Variants in TAOK2 observed in about 807,000 individuals in gnomAD.
The protein encoded by TAOK2 is serine/threonine-protein kinase TAO2.
A neutral mutation model predicts 122.5 loss-of-function variants in TAOK2; 42 were observed. That is an observed-to-expected ratio of 0.34 (90% CI 0.27 to 0.44). The LOEUF is 0.44. TAOK2 is among the 20% of genes least tolerant of loss of function. The pLI, the probability that TAOK2 is intolerant of heterozygous loss-of-function variation, is 1.00. For missense variants in TAOK2, 1,264 were observed against 1,644.9 expected, an observed-to-expected ratio of 0.77 and a Z score of 4.01; for synonymous variants, 704 against 677.6, an observed-to-expected ratio of 1.04 and a Z score of -0.61.
At chr16:29,989,011 C>A (rs2069900895), downstream of TAOK2, 1 of 985,290 alleles carries the variant, frequency 1.0e-6, no homozygotes, top group Non-Finnish European at 1.2e-6. Flanking sequence ...GCAGCCCCTT[C>A]TTACCCATTT....
chr16:29,986,333 G>A lies in TAOK2; in HGVS notation c.2061G>A (p.Thr687=), dbSNP rs763686309. 1.0e-5 allele frequency: 16 copies of A among 1,576,038 alleles called. No individual in the cohort carries two copies. In the Admixed American group the frequency reaches 1.5e-4, roughly 15 times the overall value. ...TGCTGCTTCGGCAGCACGAGGCCAC[G>A]CGGGAGCTGGAGCTGCGGCAGCTCC... is the stretch of plus-strand genomic sequence containing the variant. ...CALLLRQHEA[T]RELELRQLQA... Residue 687 remains threonine, a synonymous_variant, in exon 16 of 16, where the codon ACG becomes ACA. Transcript: ENST00000308893. This position sits in a 1 kb window ranked among gnomAD's most constrained non-coding sequence, Gnocchi z 4.2.
intron 13 of TAOK2, 148 bp downstream of exon 13, chr16:29,983,812 C>T (rs1196893028): frequency 2.4e-6 from 3 of 1,266,236 alleles, no homozygotes; most frequent in Non-Finnish European, 3.2e-6. Flanking sequence ...TCCCCTTAAC[C>T]CTCCTGCTTC....
Position 29,987,236 on chromosome 16 carries a change from G to T in TAOK2, c.2964G>T (p.Ala988=). ...AGGGTGGGGGTGGCCTGCAGGCAGC[G>T]CTGCTGGCCCTTGAGGTGGGGCTGG... ...AAQGGGGLQA[A]LLALEVGLVG... is the part of the protein sequence containing the mutation. Residue 988 remains alanine, a synonymous_variant, in exon 16 of 16, where the codon GCG becomes GCT. Coordinates refer to ENST00000308893, the MANE Select transcript of TAOK2 (RefSeq NM_016151.4). 6.5e-7 allele frequency: 1 copy of T among 1,537,328 alleles called. No homozygotes were observed.
At chr16:29,991,227 C>G (rs1567255859), downstream of TAOK2, 2 of 1,611,170 alleles carry the variant, frequency 1.2e-6, no homozygotes, top group Non-Finnish European at 1.7e-6. The surrounding 1 kb of genome is among the most constrained non-coding windows in gnomAD (Gnocchi z 5.6). Flanking sequence ...TGCTCCACCC[C>G]CTGCCCCAGC....
chr16:29,978,446 G>T lies in TAOK2; in HGVS notation c.306+93G>T, dbSNP rs551877792. The T allele has an allele frequency of 1.7e-5, 23 of 1,345,386 alleles. No individual in the cohort carries two copies. In the African/African-American group the frequency reaches 2.7e-4, roughly 16 times the overall value. 83.3% of individuals were successfully genotyped at this position (1,345,386 alleles called of 1,614,324 possible). A position where few individuals can be genotyped will look rare whatever the true frequency, so the allele number is the denominator to read the frequency against. On this transcript the variant is annotated intron_variant, in intron 4 of 15. Transcript: ENST00000308893. ...CTCTTAGGTGGTCCCTGTTCGTGGT[G>T]CTGTTGTGGGATCTTGGGAAGGAGG...
At chr16:29,991,382 T>C, downstream of TAOK2, 2 of 1,581,132 alleles carry the variant, frequency 1.3e-6, no homozygotes, top group East Asian at 2.3e-5. The surrounding 1 kb of genome is among the most constrained non-coding windows in gnomAD (Gnocchi z 5.6). Context: ...CCACACAAAG[T>C]GGGACACCCC....
rs767669894 is a variant in TAOK2, at chr16:29,981,751, A to G, written c.746A>G (p.His249Arg). 3.1e-6 allele frequency: 5 copies of G among 1,614,078 alleles called. No homozygotes were observed. The highest frequency in any genetic ancestry group is 1.7e-5 in the Admixed American group (1 of 60,020). ...QNESPVLQSGHWSEYFRNFVD... is the reference protein window; with the variant it reads ...QNESPVLQSGRWSEYFRNFVD... ...GAATCCCCCGTGCTCCAGTCAGGACACTGGTGAGGACTGAGATTCCGAATC... is the reference window on the plus strand; with the variant it reads ...GAATCCCCCGTGCTCCAGTCAGGACGCTGGTGAGGACTGAGATTCCGAATC... Residue 249 changes from histidine (H) to arginine (R), a missense_variant, in exon 9 of 16, where the codon CAC becomes CGC. Physicochemically the swap from His to Arg is conservative, Grantham distance 29. Coordinates refer to ENST00000308893, the MANE Select transcript of TAOK2 (RefSeq NM_016151.4).
Position 29,981,764 on chromosome 16 carries a change from G to A in TAOK2, c.749+10G>A, listed in dbSNP as rs2069623987. ...TCCAGTCAGGACACTGGTGAGGACT[G>A]AGATTCCGAATCTGGGCCCAGGCGT... On this transcript the variant is annotated intron_variant, in intron 9 of 15. Transcript: ENST00000308893. 6.2e-7 allele frequency: 1 copy of A among 1,613,882 alleles called. No homozygotes were observed. Among genetic ancestry groups the A allele is most frequent in the Non-Finnish European group, 8.5e-7 (1 of 1,179,844 alleles).
rs769200311 is a variant in TAOK2 at position 29,986,256 on chromosome 16, C to T, written c.1993-9C>T. 2 of 1,508,900 alleles carry T rather than the reference C, an allele frequency of 1.3e-6. No individual in the cohort carries two copies. Among genetic ancestry groups the T allele is most frequent in the Non-Finnish European group, 1.8e-6 (2 of 1,129,236 alleles). 93.5% of individuals were successfully genotyped at this position (1,508,900 alleles called of 1,614,324 possible). ...CCAGGCCCCGGGCCCTGCATTTCTT[C>T]TGCCTCAGGACCTGAACAAGAAGCA... On this transcript the variant is annotated splice_polypyrimidine_tract_variant and intron_variant, in intron 15 of 15. Coordinates refer to ENST00000308893, the MANE Select transcript of TAOK2 (RefSeq NM_016151.4). This position sits in a 1 kb window ranked among gnomAD's most constrained non-coding sequence, Gnocchi z 4.2.
Position 29,979,213 on chromosome 16 carries a change from C to T in TAOK2, c.468C>T (p.Asn156=). The change falls in exon 7 of 16, where the codon AAC becomes AAT. Residue 156 remains asparagine, a synonymous_variant. Transcript: ENST00000308893. The surrounding 1 kb of genome is among the most constrained non-coding windows in gnomAD (Gnocchi z 4.1). ...NMIHRDVKAG[N]ILLSEPGLVK... ...CTGGCAGGGATGTGAAGGCTGGAAA[C>T]ATCCTGCTGTCAGAGCCAGGGTTAG... 1 of 1,614,230 alleles carries T rather than the reference C, an allele frequency of 6.2e-7. No individual in the cohort carries two copies. Among genetic ancestry groups the T allele is most frequent in the South Asian group, 1.1e-5 (1 of 91,082 alleles).
intron 1 of TAOK2, among the ~76,000 whole-genome samples, chr16:29,975,410 A>G (rs1317813234): frequency 6.6e-6 from 1 of 152,142 alleles, no homozygotes; most frequent in Non-Finnish European, 1.5e-5. Flanking sequence ...GTCCTCAATC[A>G]CATCTTTCCC....
intron 4 of TAOK2, 109 bp downstream of exon 4, chr16:29,978,462 G>C: frequency 8.0e-7 from 1 of 1,245,946 alleles, no homozygotes; most frequent in Non-Finnish European, 1.2e-6. Flanking sequence ...GTGGGATCTT[G>C]GGAAGGAGGA....
chr16:29,989,250 T>C (rs1202108019), downstream of TAOK2: 2 of 985,228 alleles, frequency 2.0e-6, no homozygotes, highest in Non-Finnish European at 2.4e-6. Flanking sequence ...CAGTTCCCTG[T>C]CCAGTAACTC....
chr16:29,986,828 C>G lies in TAOK2; in HGVS notation c.2556C>G (p.Pro852=). 6.2e-7 allele frequency: 1 copy of G among 1,613,976 alleles called. No individual in the cohort carries two copies. Among genetic ancestry groups the G allele is most frequent in the Non-Finnish European group, 8.5e-7 (1 of 1,179,932 alleles). The change falls in exon 16 of 16, where the codon CCC becomes CCG. Residue 852 remains proline, a synonymous_variant. Coordinates refer to ENST00000308893, the MANE Select transcript of TAOK2 (RefSeq NM_016151.4). This position sits in a 1 kb window ranked among gnomAD's most constrained non-coding sequence, Gnocchi z 4.2. ...LPEEIEELRV[P]SLVPQERSIV... is the part of the protein sequence containing the mutation. Reference sequence around the variant, plus strand: ...AGGAGATAGAGGAGCTTAGGGTGCCCTCCCTTGTACCCCAGGAGAGGAGCA... The same window carrying G: ...AGGAGATAGAGGAGCTTAGGGTGCCGTCCCTTGTACCCCAGGAGAGGAGCA...
Position 29,979,628 on chromosome 16 carries a change from G to T in TAOK2, c.655+120G>T, listed in dbSNP as rs2069558245. On this transcript the variant is annotated intron_variant, in intron 8 of 15. Coordinates refer to ENST00000308893, the MANE Select transcript of TAOK2 (RefSeq NM_016151.4). This position sits in a 1 kb window ranked among gnomAD's most constrained non-coding sequence, Gnocchi z 4.1. The stretch of plus-strand genomic sequence containing the variant: ...CCAGGCCTCCAAGTTCCTGTCCGTT[G>T]TGACTCTACCCTGGAGCCCAATACA... The T allele has an allele frequency of 1.2e-6, 1 of 813,128 alleles. No homozygotes were observed. Among genetic ancestry groups the T allele is most frequent in the Non-Finnish European group, 1.9e-6 (1 of 532,770 alleles). 50.4% of individuals were successfully genotyped at this position (813,128 alleles called of 1,614,324 possible).
chr16:29,989,456 C>T (rs2069912655), downstream of TAOK2: 30 of 1,493,554 alleles, frequency 2.0e-5, no homozygotes, highest in Non-Finnish European at 2.7e-5. Flanking sequence ...CTCCCTCTCC[C>T]TGTCTCTGCT....
chr16:29,977,628 C>A, intron 1 of TAOK2, 110 bp from the exon 2 acceptor site: 1 of 1,046,512 alleles, frequency 9.6e-7, no homozygotes, highest in Non-Finnish European at 1.3e-6. Context: ...TCAGCAGTGC[C>A]TCCTCCTCAT....
chr16:29,987,595 A>C lies in TAOK2; in HGVS notation c.3323A>C (p.Asp1108Ala). ...RALQGCGAVG[D>A]RGLFALYPKT... ...CTGCAGGGCTGTGGGGCTGTGGGGG[A>C]CCGGGGTCTGTTTGCACTGTACCCC... Residue 1108 changes from aspartate (D) to alanine (A), a missense_variant, in exon 16 of 16, where the codon GAC (aspartate) becomes GCC (alanine). By Grantham distance (126) the Asp-to-Ala change is moderately radical (BLOSUM62 -2). Around this residue, in one of 4 missense-constraint regions of TAOK2, gnomAD observed 824 missense variants for 908.7 expected, o/e 0.91. Transcript: ENST00000308893. The C allele has an allele frequency of 6.2e-7, 1 of 1,611,880 alleles. No individual in the cohort carries two copies. Among genetic ancestry groups the C allele is most frequent in the South Asian group, 1.1e-5 (1 of 90,964 alleles).
rs1201228424 is a variant in TAOK2, at chr16:29,979,483, C to T, written c.630C>T (p.Ser210=). 6.4e-7 allele frequency: 1 copy of T among 1,560,542 alleles called. No individual in the cohort carries two copies. The highest frequency in any genetic ancestry group is 1.4e-5 in the African/African-American group (1 of 73,332). The stretch of plus-strand genomic sequence containing the variant: ...ACGATGGCAAAGTGGACGTCTGGTC[C>T]TTGGGGATAACCTGCATCGAGCTGG... ...GQYDGKVDVW[S]LGITCIELAE... Residue 210 remains serine (S), a synonymous_variant, in exon 8 of 16, where the codon TCC becomes TCT. Coordinates refer to ENST00000308893, the MANE Select transcript of TAOK2 (RefSeq NM_016151.4). The surrounding 1 kb of genome is among the most constrained non-coding windows in gnomAD (Gnocchi z 4.1).
Sources: allele counts gnomAD v4.1 joint callset (sites outside exome capture counted in the v4.1 genomes callset), GRCh38; gene constraint gnomAD v4.1.1; regional missense constraint gnomAD v4.1.1; non-coding constraint Gnocchi (gnomAD v3.1); transcripts MANE v1.5; gene names NCBI Gene and HGNC (gene_info 2026-07-23, HGNC 2026-07-21).